The following PIK3C2A variants were observed in gnomAD, a reference collection of about 807,000 sequenced individuals.
The protein encoded by PIK3C2A is phosphatidylinositol 4-phosphate 3-kinase C2 domain-containing subunit alpha.
In PIK3C2A, 97 loss-of-function variants were observed where a neutral mutation model predicts 204.5. The observed-to-expected ratio is 0.47, with a 90% CI of 0.40 to 0.56. The LOEUF (loss-of-function observed/expected upper bound fraction) is 0.56, where lower values mean the gene tolerates loss of function less well. Among genes scored for constraint, PIK3C2A ranks in the 20% least tolerant of loss-of-function variants. The pLI is 0.00. For missense variants in PIK3C2A, 1,735 were observed against 1,969.2 expected, an observed-to-expected ratio of 0.88 and a Z score of 2.25; for synonymous variants, 653 against 664.4, an observed-to-expected ratio of 0.98 and a Z score of 0.26.
Position 17,091,432 on chromosome 11 carries a change from G to A in PIK3C2A, c.4780C>T (p.Pro1594Ser), listed in dbSNP as rs772254960. The part of the protein sequence containing the change: ...LVTEDGADPN[P>S]YVKTYLLPDN... ...GGAAGTAGGTATGTTTTGACATATGGATTTGGGTCAGCTCCATCTTCAGTA... is the reference window on the plus strand; with the variant it reads ...GGAAGTAGGTATGTTTTGACATATGAATTTGGGTCAGCTCCATCTTCAGTA... The change falls in exon 32 of 33, where the codon CCA (proline) becomes TCA (serine). Residue 1594 changes from proline to serine, a missense_variant. Pro to Ser is a moderately conservative substitution (Grantham distance 74). This residue lies in a region of PIK3C2A where 503 missense variants were observed against 669.0 expected (regional missense o/e 0.75). Transcript: ENST00000691414. 7 of 1,613,568 alleles carry A rather than the reference G, an allele frequency of 4.3e-6. No homozygotes were observed. The highest frequency in any genetic ancestry group is 1.1e-5 in the South Asian group (1 of 90,924).
intron 1 of PIK3C2A, among the ~76,000 whole-genome samples, chr11:17,171,281 G>A (rs559952463): frequency 6.6e-6 from 1 of 152,078 alleles, no homozygotes; most frequent in Non-Finnish European, 1.5e-5. Context: ...TAAATGGTAC[G>A]TATTATTAAT....
In PIK3C2A at chr11:17,150,623, C is replaced by A. The variant is rs749543841; in HGVS notation, c.1202G>T (p.Arg401Leu). The stretch of plus-strand genomic sequence containing the variant: ...ACTTAACAAATAGCCTGGGTTTGTG[C>A]GGTGATTGGTATATGGAAATTTGGT... ...LKTKFPYTNH[R>L]TNPGYLLSPV... Residue 401 changes from arginine to leucine, a missense_variant, in exon 4 of 33, where the codon CGC becomes CTC. By Grantham distance (102) the Arg-to-Leu change is moderately radical (BLOSUM62 -2). Coordinates refer to ENST00000691414, the MANE Select transcript of PIK3C2A (RefSeq NM_002645.4). 1.2e-6 allele frequency: 2 copies of A among 1,605,480 alleles called. No homozygotes were observed. The highest frequency in any genetic ancestry group is 1.7e-6 in the Non-Finnish European group (2 of 1,176,528).
chr11:17,180,486 A>T (rs751597469), intron 1 of PIK3C2A, among the ~76,000 whole-genome samples: 7 of 151,752 alleles, frequency 4.6e-5, no homozygotes, highest in Non-Finnish European at 8.8e-5. Flanking sequence ...ATTAAAAAGA[A>T]CTACTAGAAA....
intron 2 of PIK3C2A, among the ~76,000 whole-genome samples, chr11:17,158,386 T>A (rs192912365): frequency 4.0e-5 from 6 of 148,666 alleles, no homozygotes; most frequent in African/African-American, 9.8e-5. Flanking sequence ...TATATATATA[T>A]AATTATATAT....
intron 19 of PIK3C2A, among the ~76,000 whole-genome samples, chr11:17,116,591 ATTC>A (rs1042077876): frequency 1.8e-4 from 28 of 151,562 alleles, no homozygotes; most frequent in African/African-American, 6.8e-4. Flanking sequence ...TCATAGCAGT[ATTC>A]TTTTTTTTTT....
At chr11:17,130,846 A>C (rs1428602835) in intron 12 of PIK3C2A, among the ~76,000 whole-genome samples, 1 of 152,016 alleles carries the variant, frequency 6.6e-6, no homozygotes, top group Non-Finnish European at 1.5e-5. Context: ...ACACTATTTA[A>C]AAAATATGAA....
At position 17,162,771 on chromosome 11, in the gene PIK3C2A, G is replaced by C. The variant is rs79034604; in HGVS notation, c.1065+5906C>G. On this transcript the variant is annotated intron_variant, in intron 2 of 32. Transcript: ENST00000691414. ...TTCTGCTTCAGGGGCTGCCTGATTT[G>C]TGATCTCTTCTTTGCTGAATTAAAC... 3.1e-3 allele frequency among the ~76,000 whole-genome samples: 472 copies of C among 152,280 alleles called. 3 individuals are homozygous for C. The highest frequency in any genetic ancestry group is 0.011 in the African/African-American group (446 of 41,552).
intron 8 of PIK3C2A, among the ~76,000 whole-genome samples, chr11:17,141,895 A>G (rs1475655929): frequency 1.3e-5 from 2 of 152,228 alleles, no homozygotes; most frequent in Admixed American, 6.5e-5. Flanking sequence ...TGTGAAATGT[A>G]TAAGATCTTT....
At chr11:17,117,384 G>T in intron 19 of PIK3C2A, 107 bp downstream of exon 19, 1 of 678,428 alleles carries the variant, frequency 1.5e-6, no homozygotes, top group Non-Finnish European at 2.5e-6. Context: ...TATAGTTAGA[G>T]TTCTACTGGG....
intron 1 of PIK3C2A, among the ~76,000 whole-genome samples, chr11:17,172,980 G>A (rs1851227194): frequency 6.6e-6 from 1 of 152,080 alleles, no homozygotes; most frequent in Non-Finnish European, 1.5e-5. Flanking sequence ...CTCCAATGAG[G>A]GACCTACAGA....
intron 2 of PIK3C2A, 108 bp from the exon 3 acceptor site, chr11:17,155,737 G>T: frequency 1.8e-6 from 1 of 558,722 alleles, no homozygotes. Context: ...AGCAATGGAG[G>T]TAAAATAAAT....
intron 11 of PIK3C2A, among the ~76,000 whole-genome samples, chr11:17,132,857 C>T (rs1849745863): frequency 1.3e-5 from 2 of 152,266 alleles, no homozygotes; most frequent in South Asian, 4.1e-4. Context: ...GGGACAGATG[C>T]TATTGAATTC....
intron 26 of PIK3C2A, among the ~76,000 whole-genome samples, chr11:17,099,165 G>A (rs987967091): frequency 1.4e-4 from 22 of 152,296 alleles, no homozygotes; most frequent in African/African-American, 4.6e-4. Context: ...AAAGTGCTGG[G>A]ATTACAGGCG....
chr11:17,103,980 T>C (rs1168020337), intron 23 of PIK3C2A, among the ~76,000 whole-genome samples: 1 of 152,034 alleles, frequency 6.6e-6, no homozygotes, highest in African/African-American at 2.4e-5. Flanking sequence ...GAAAAGGGAG[T>C]GATCTCACAG....
chr11:17,095,411 TAAAA>T (rs1225897360), intron 27 of PIK3C2A, among the ~76,000 whole-genome samples: 1 of 110,176 alleles, frequency 9.1e-6, no homozygotes, highest in Admixed American at 1.0e-4. Flanking sequence ...CTGTCTCTAC[TAAAA>T]AAAAAAAAAA....
intron 23 of PIK3C2A, among the ~76,000 whole-genome samples, chr11:17,104,724 C>CAAAA (rs5789973): frequency 7.4e-4 from 65 of 87,372 alleles, no homozygotes; most frequent in African/African-American, 3.0e-3. Flanking sequence ...GACTCCATCT[C>CAAAA]AAAAAAAAAA....
chr11:17,097,323 A>G, intron 26 of PIK3C2A, 59 bp from the exon 27 acceptor site: 1 of 1,040,766 alleles, frequency 9.6e-7, no homozygotes, highest in African/African-American at 1.6e-5. Flanking sequence ...AAATTCTTTC[A>G]ATGTAATAAA....
At chr11:17,153,183 G>C (rs1369061280) in intron 3 of PIK3C2A, among the ~76,000 whole-genome samples, 1 of 152,144 alleles carries the variant, frequency 6.6e-6, no homozygotes, top group Non-Finnish European at 1.5e-5. Context: ...TGTAATGCCA[G>C]CACTTTGGGA....
At chr11:17,094,063 C>T (rs1055160745) in intron 28 of PIK3C2A, among the ~76,000 whole-genome samples, 198 bp downstream of exon 28, 4 of 152,130 alleles carry the variant, frequency 2.6e-5, no homozygotes, top group Non-Finnish European at 4.4e-5. Context: ...TTTAACATCC[C>T]GATCATTTAT....
Sources: allele counts gnomAD v4.1 joint callset (sites outside exome capture counted in the v4.1 genomes callset), GRCh38; gene constraint gnomAD v4.1.1; regional missense constraint gnomAD v4.1.1; transcripts MANE v1.5; gene names NCBI Gene and HGNC (gene_info 2026-07-23, HGNC 2026-07-21).